Variants in ACKR2 observed in about 807,000 individuals in gnomAD.
ACKR2 encodes atypical chemokine receptor 2, also known as C-C chemokine receptor D6.
For missense variants in ACKR2, 457 were observed against 477.3 expected (o/e 0.96, Z 0.40); for synonymous variants, 207 against 192.2 (o/e 1.08, Z -0.64).
intron 2 of ACKR2, chr3:42,856,098 C>A (rs76291938): frequency 2.4e-6 from 1 of 413,388 alleles, no homozygotes; most frequent in Non-Finnish European, 4.3e-6. Flanking sequence ...CTTACTGCTG[C>A]CCAGAAAAGG....
chr3:42,851,377 T>C, intron 2 of ACKR2: 3 of 985,506 alleles, frequency 3.0e-6, no homozygotes, highest in Non-Finnish European at 3.6e-6. Context: ...TGCACTTCCC[T>C]GAGGAAGAGG....
chr3:42,831,034 AAAAAT>A (rs924665730), intron 2 of ACKR2, among the ~76,000 whole-genome samples: 1 of 152,124 alleles, frequency 6.6e-6, no homozygotes, highest in African/African-American at 2.4e-5. Context: ...TTCAGGCAAA[AAAAAT>A]AAAAAAAAAG....
rs1482683384 is a variant in ACKR2, at chr3:42,854,053, G to C, written c.-37-10413G>C. Among the ~76,000 whole-genome samples, 4 of 152,142 alleles carry C rather than the reference G, an allele frequency of 2.6e-5. No homozygotes were observed. In the East Asian group the frequency reaches 7.7e-4, roughly 29 times the overall value. ...CCTGTCCATAGGCTTCTTGGCTGTA[G>C]GTAGGGCGGCCGTGAAATTGATGTC... On this transcript the variant is annotated intron_variant, in intron 2 of 2. Coordinates refer to ENST00000422265, the MANE Select transcript of ACKR2 (RefSeq NM_001296.5).
intron 2 of ACKR2, among the ~76,000 whole-genome samples, chr3:42,848,201 TAA>T (rs34144822): frequency 1.0e-4 from 13 of 124,930 alleles, no homozygotes; most frequent in South Asian, 5.5e-4. Context: ...CTAACTCTTT[TAA>T]AAAAAAAAAA....
At chr3:42,856,155 A>T in intron 2 of ACKR2, 1 of 501,768 alleles carries the variant, frequency 2.0e-6, no homozygotes, top group Admixed American at 3.7e-5. Flanking sequence ...AGAGGACAGG[A>T]AGACCAGCAG....
At position 42,865,103 on chromosome 3, in the gene ACKR2, G is replaced by T. The variant is rs368758367; in HGVS notation, c.601G>T (p.Gly201Trp). The T allele has an allele frequency of 1.5e-5, 24 of 1,613,962 alleles. No individual in the cohort carries two copies. The highest frequency in any genetic ancestry group is 1.9e-5 in the Non-Finnish European group (23 of 1,179,980). ...GVWNCHADFG[G>W]HGTIWKLFLR... is the part of the protein sequence containing the mutation. ...GTGGAACTGCCACGCAGATTTCGGC[G>T]GGCATGGGACCATTTGGAAGCTCTT... Residue 201 changes from glycine to tryptophan, a missense_variant, in exon 3 of 3, where the codon GGG (glycine) becomes TGG (tryptophan). Coordinates refer to ENST00000422265, the MANE Select transcript of ACKR2 (RefSeq NM_001296.5).
chr3:42,813,290 A>AAAAATATAT (rs1700714120), intron 1 of ACKR2, among the ~76,000 whole-genome samples: 1 of 152,182 alleles, frequency 6.6e-6, no homozygotes, highest in South Asian at 2.1e-4. Flanking sequence ...ATCTTGGTTC[A>AAAAATATAT]GTTTGCCCTA....
Position 42,865,324 on chromosome 3 carries a change from G to A in ACKR2, c.822G>A (p.Thr274=), listed in dbSNP as rs1056643270. The A allele has an allele frequency of 1.9e-6, 3 of 1,614,144 alleles. No homozygotes were observed. Among genetic ancestry groups the A allele is most frequent in the Admixed American group, 3.3e-5 (2 of 60,018 alleles). ...FPYNLTLFLH[T]LLDLQVFGNC... Reference sequence around the variant, plus strand: ...ACAATCTCACCTTGTTTCTGCATACGCTGTTGGACCTGCAAGTATTCGGGA... The same window carrying A: ...ACAATCTCACCTTGTTTCTGCATACACTGTTGGACCTGCAAGTATTCGGGA... Residue 274 remains threonine, a synonymous_variant, in exon 3 of 3, where the codon ACG becomes ACA. Coordinates refer to ENST00000422265, the MANE Select transcript of ACKR2 (RefSeq NM_001296.5).
intron 2 of ACKR2, among the ~76,000 whole-genome samples, chr3:42,850,264 A>G (rs1701139443): frequency 6.6e-6 from 1 of 152,164 alleles, no homozygotes; most frequent in Admixed American, 6.5e-5. Flanking sequence ...CATTCTTGGT[A>G]GCCTGTGGAC....
intron 2 of ACKR2, chr3:42,835,941 G>T (rs4683342): frequency 6.6e-6 from 1 of 152,028 alleles, no homozygotes; most frequent in Admixed American, 6.6e-5. Flanking sequence ...GTTGGGTGAA[G>T]GAGCATCATA....
At chr3:42,825,014 T>A (rs901394004) in intron 2 of ACKR2, among the ~76,000 whole-genome samples, 2 of 152,152 alleles carry the variant, frequency 1.3e-5, no homozygotes, top group African/African-American at 4.8e-5. Flanking sequence ...GGAAAATCAA[T>A]TGGCCATGGA....
In ACKR2 at chr3:42,852,787, T is replaced by G. The variant is rs1701176374; in HGVS notation, c.-37-11679T>G. On this transcript the variant is annotated intron_variant, in intron 2 of 2. Coordinates refer to ENST00000422265, the MANE Select transcript of ACKR2 (RefSeq NM_001296.5). The surrounding 1 kb of genome is among the most constrained non-coding windows in gnomAD (Gnocchi z 4.3). The stretch of plus-strand genomic sequence containing the variant: ...TCTCAGGGGACTTTTGTTTTTGTTT[T>G]TTGGCCTCTTTTCTATTTTTCCACT... 6.6e-6 allele frequency among the ~76,000 whole-genome samples: 1 copy of G among 152,228 alleles called. No individual in the cohort carries two copies. The highest frequency in any genetic ancestry group is 1.5e-5 in the Non-Finnish European group (1 of 68,040).
At chr3:42,853,202 C>T (rs1341774114) in intron 2 of ACKR2, among the ~76,000 whole-genome samples, 1 of 152,156 alleles carries the variant, frequency 6.6e-6, no homozygotes, top group African/African-American at 2.4e-5. Flanking sequence ...GGGGTGCACA[C>T]AGGCTGAACT....
intron 2 of ACKR2, among the ~76,000 whole-genome samples, chr3:42,848,853 C>G (rs141927066): frequency 1.3e-5 from 2 of 152,280 alleles, no homozygotes; most frequent in East Asian, 3.9e-4. Flanking sequence ...ATACTGAGGA[C>G]ATAAGATCAC....
chr3:42,819,313 A>G (rs960756769), intron 1 of ACKR2, among the ~76,000 whole-genome samples: 6 of 152,232 alleles, frequency 3.9e-5, no homozygotes, highest in African/African-American at 7.2e-5. Context: ...TTTATAATCT[A>G]TATTTGTATA....
At chr3:42,847,448 A>G (rs1214407094) in intron 2 of ACKR2, among the ~76,000 whole-genome samples, 1 of 152,190 alleles carries the variant, frequency 6.6e-6, no homozygotes, top group Admixed American at 6.5e-5. Context: ...AATAAAAGTG[A>G]GTAAATGTGG....
intron 2 of ACKR2, among the ~76,000 whole-genome samples, chr3:42,857,833 A>G (rs1186106955): frequency 6.6e-6 from 1 of 152,238 alleles, no homozygotes; most frequent in African/African-American, 2.4e-5. Flanking sequence ...GGATAAAACA[A>G]GCCCCACTGG....
intron 2 of ACKR2, among the ~76,000 whole-genome samples, chr3:42,853,990 T>C (rs1484560659): frequency 1.3e-5 from 2 of 152,184 alleles, no homozygotes; most frequent in African/African-American, 4.8e-5. Flanking sequence ...ACACTCAGGA[T>C]GGGTGTGCTT....
At chr3:42,840,506 A>G (rs1029876613) in intron 2 of ACKR2, among the ~76,000 whole-genome samples, 1 of 152,178 alleles carries the variant, frequency 6.6e-6, no homozygotes, top group African/African-American at 2.4e-5. Context: ...ACCTTTACTC[A>G]GGTGCTAAAT....
Sources: allele counts gnomAD v4.1 joint callset (sites outside exome capture counted in the v4.1 genomes callset), GRCh38; gene constraint gnomAD v4.1.1; non-coding constraint Gnocchi (gnomAD v3.1); transcripts MANE v1.5; gene names NCBI Gene and HGNC (gene_info 2026-07-23, HGNC 2026-07-21).